The following NRG1 variants were observed in gnomAD, a reference collection of about 807,000 sequenced individuals.
The protein encoded by NRG1 is pro-neuregulin-1, membrane-bound isoform.
NRG1 carries 18 observed loss-of-function variants against 63.8 expected under a neutral mutation model. The observed-to-expected ratio is 0.28, with a 90% CI of 0.19 to 0.42. The LOEUF is 0.42. NRG1 is among the 10% of genes least tolerant of loss of function. The pLI is 1.00. For synonymous variants in NRG1, 302 were observed against 301.3 expected (o/e 1.00, Z -0.02); for missense variants, 762 against 814.7 (o/e 0.94, Z 0.79).
intron 1 of NRG1, among the ~76,000 whole-genome samples, chr8:32,510,334 C>T (rs557131489): frequency 7.4e-4 from 112 of 150,694 alleles, no homozygotes; most frequent in Non-Finnish European, 1.3e-3. Context: ...TGCACTCTAG[C>T]ATAGGTAACA....
intron 1 of NRG1, among the ~76,000 whole-genome samples, chr8:32,020,812 A>G (rs576965408): frequency 5.8e-4 from 89 of 152,320 alleles, no homozygotes; most frequent in South Asian, 1.0e-3. Context: ...ATAATTTATG[A>G]ACTGTTATAA....
intron 5 of NRG1, among the ~76,000 whole-genome samples, chr8:32,688,817 G>A (rs1171464182): frequency 6.6e-6 from 1 of 152,124 alleles, no homozygotes; most frequent in Non-Finnish European, 1.5e-5. Flanking sequence ...GTTTGATTCT[G>A]TATGAATTCC....
chr8:32,452,368 G>C (rs10098630), intron 1 of NRG1, among the ~76,000 whole-genome samples: 113,511 of 151,200 alleles, frequency 0.75, 42,887 homozygotes, highest in East Asian at 0.89. Flanking sequence ...GGTGACATTT[G>C]AGTTGGGCCT....
intron 3 of NRG1, among the ~76,000 whole-genome samples, chr8:32,609,896 C>T (rs1257474686): frequency 1.3e-5 from 2 of 151,620 alleles, no homozygotes; most frequent in Non-Finnish European, 2.9e-5. Context: ...GTCTCTAACT[C>T]CTGACCTCAA....
intron 1 of NRG1, among the ~76,000 whole-genome samples, chr8:32,535,990 T>C (rs12334435): frequency 0.76 from 115,113 of 152,170 alleles, 43,713 homozygotes; most frequent in East Asian, 0.84. Flanking sequence ...GAGCCCCTTC[T>C]TGTCTGAGAC....
chr8:32,171,712 C>T (rs925223887), intron 1 of NRG1, among the ~76,000 whole-genome samples: 5 of 152,208 alleles, frequency 3.3e-5, no homozygotes, highest in African/African-American at 9.6e-5. Context: ...CCACGCATGG[C>T]TTGGAGGGTT....
At chr8:32,294,229 C>T (rs1213327506) in intron 1 of NRG1, among the ~76,000 whole-genome samples, 5 of 151,854 alleles carry the variant, frequency 3.3e-5, no homozygotes, top group Non-Finnish European at 7.4e-5. Flanking sequence ...GAGCAGGTGT[C>T]CGAAACAATG....
intron 1 of NRG1, among the ~76,000 whole-genome samples, chr8:32,126,787 A>G (rs543977189): frequency 6.6e-6 from 1 of 152,016 alleles, no homozygotes; most frequent in East Asian, 1.9e-4. Flanking sequence ...CTCTCTGCCA[A>G]ATACAAATTA....
chr8:32,521,378 AT>A (rs1763792501), intron 1 of NRG1, among the ~76,000 whole-genome samples: 1 of 152,134 alleles, frequency 6.6e-6, no homozygotes, highest in African/African-American at 2.4e-5. Flanking sequence ...CATTTTGTAG[AT>A]GTGAAAATTA....
chr8:31,663,113 C>T (rs1287183952), intron 1 of NRG1, among the ~76,000 whole-genome samples: 4 of 152,142 alleles, frequency 2.6e-5, no homozygotes, highest in Non-Finnish European at 5.9e-5. Flanking sequence ...GTATGTGCTG[C>T]CTGTGCCAGT....
At chr8:32,262,001 T>A (rs1850431043) in intron 1 of NRG1, among the ~76,000 whole-genome samples, 1 of 152,164 alleles carries the variant, frequency 6.6e-6, no homozygotes, top group African/African-American at 2.4e-5. Context: ...ATTCAAACCC[T>A]AGATCTGCCA....
intron 1 of NRG1, among the ~76,000 whole-genome samples, chr8:32,277,412 C>T (rs1227308319): frequency 6.6e-6 from 1 of 152,114 alleles, no homozygotes; most frequent in Non-Finnish European, 1.5e-5. Flanking sequence ...CAATCTGCAG[C>T]CTGTCATTGT....
At chr8:31,854,159 A>G (rs1283464830) in intron 1 of NRG1, among the ~76,000 whole-genome samples, 6 of 151,658 alleles carry the variant, frequency 4.0e-5, no homozygotes, top group African/African-American at 1.5e-4. Flanking sequence ...CTCTTTTTCT[A>G]TTGATTGGAA....
intron 7 of NRG1, chr8:32,748,971 G>A (rs867749197): frequency 2.0e-5 from 4 of 204,730 alleles, no homozygotes; most frequent in South Asian, 6.4e-5. Context: ...AAGAGATACA[G>A]CTAAGAAAAT....
At chr8:32,144,717 C>A (rs919636044) in intron 1 of NRG1, among the ~76,000 whole-genome samples, 2 of 152,016 alleles carry the variant, frequency 1.3e-5, no homozygotes, top group African/African-American at 4.8e-5. Context: ...GGGATGGATC[C>A]TTGGAGATGC....
intron 1 of NRG1, among the ~76,000 whole-genome samples, chr8:32,309,386 G>A (rs925791729): frequency 6.6e-6 from 1 of 152,074 alleles, no homozygotes; most frequent in Non-Finnish European, 1.5e-5. Context: ...TCTTTTTGCT[G>A]TCATTTCTTC....
rs202177220 is a variant in NRG1 at position 31,849,730 on chromosome 8, A to G, written c.37+210299A>G. Among the ~76,000 whole-genome samples the G allele has an allele frequency of 2.6e-5, 4 of 152,278 alleles. No homozygotes were observed. The East Asian group carries it at 7.8e-4, about 30-fold the overall frequency. On this transcript the variant is annotated intron_variant, in intron 1 of 10. Coordinates refer to the NRG1 transcript ENST00000519301. ...TATCACACTTCCCTGTGCTTTCATGAATGTGTTACTGGTGATGAAGAATGC... is the reference window on the plus strand; with the variant it reads ...TATCACACTTCCCTGTGCTTTCATGGATGTGTTACTGGTGATGAAGAATGC...
At chr8:32,098,989 C>G (rs1400557170) in intron 1 of NRG1, among the ~76,000 whole-genome samples, 3 of 152,152 alleles carry the variant, frequency 2.0e-5, no homozygotes, top group Non-Finnish European at 4.4e-5. Flanking sequence ...TAGCATCTAT[C>G]TGGGGCCAGT....
At chr8:31,684,908 T>C in intron 1 of NRG1, among the ~76,000 whole-genome samples, 1 of 152,106 alleles carries the variant, frequency 6.6e-6, no homozygotes, top group East Asian at 1.9e-4. Context: ...TTGAACTTGA[T>C]ATAAATAGAA....
Sources: allele counts gnomAD v4.1 joint callset (sites outside exome capture counted in the v4.1 genomes callset), GRCh38; gene constraint gnomAD v4.1.1; transcripts MANE v1.5; gene names NCBI Gene and HGNC (gene_info 2026-07-23, HGNC 2026-07-21).